The following TRHDE variants were observed in gnomAD, a reference collection of about 807,000 sequenced individuals.
TRHDE encodes the protein thyrotropin-releasing hormone-degrading ectoenzyme.
A neutral mutation model predicts 125.7 loss-of-function variants in TRHDE; 72 were observed. The ratio of observed to expected loss-of-function variants is 0.57; its 90% confidence interval spans 0.47 to 0.70. TRHDE has a LOEUF of 0.70. Among genes scored for constraint, TRHDE ranks in the 30% least tolerant of loss-of-function variants. The pLI, the probability that TRHDE is intolerant of heterozygous loss-of-function variation, is 0.00. For missense variants in TRHDE, 1,110 were observed against 1,327.1 expected (o/e 0.84, Z 2.54); for synonymous variants, 509 against 509.1 (o/e 1.00, Z 0.00).
intron 15 of TRHDE, among the ~76,000 whole-genome samples, chr12:72,650,935 C>T (rs1473139140): frequency 6.6e-6 from 1 of 152,098 alleles, no homozygotes; most frequent in African/African-American, 2.4e-5. Flanking sequence ...TGGTCATAAA[C>T]ACAGCAGAGA....
At chr12:72,353,350 A>G (rs1454681612) in intron 2 of TRHDE, among the ~76,000 whole-genome samples, 1 of 151,772 alleles carries the variant, frequency 6.6e-6, no homozygotes, top group East Asian at 1.9e-4. Context: ...GAAACCAGAA[A>G]GGAATATACA....
chr12:72,566,635 G>A (rs1288248566), intron 9 of TRHDE, among the ~76,000 whole-genome samples: 1 of 145,944 alleles, frequency 6.9e-6, no homozygotes, highest in Non-Finnish European at 1.5e-5. Flanking sequence ...TATATTAGGG[G>A]CAATGATTCA....
intron 3 of TRHDE, among the ~76,000 whole-genome samples, chr12:72,411,655 A>G (rs1592425692): frequency 6.6e-6 from 1 of 152,124 alleles, no homozygotes. Flanking sequence ...CAAAAGGTAT[A>G]TGGGAACTTC....
intron 3 of TRHDE, among the ~76,000 whole-genome samples, chr12:72,427,727 G>T (rs1874251388): frequency 6.6e-6 from 1 of 152,152 alleles, no homozygotes. Context: ...ATAGAGCTCT[G>T]TGATGATAGA....
At chr12:72,126,586 A>G (rs564661281) in intron 2 of TRHDE, among the ~76,000 whole-genome samples, 1 of 152,320 alleles carries the variant, frequency 6.6e-6, no homozygotes, top group Non-Finnish European at 1.5e-5. Flanking sequence ...CAAAGTCTAC[A>G]AAAATAAGTA....
chr12:72,418,128 T>C (rs1387716974), intron 3 of TRHDE, among the ~76,000 whole-genome samples: 1 of 152,072 alleles, frequency 6.6e-6, no homozygotes, highest in Admixed American at 6.6e-5. Flanking sequence ...TCAATTTCTT[T>C]GAGGCATAAA....
chr12:72,568,534 T>C (rs1409338010), intron 9 of TRHDE, 34 bp from the exon 10 acceptor site: 1 of 1,519,984 alleles, frequency 6.6e-7, no homozygotes, highest in African/African-American at 1.4e-5. Flanking sequence ...GATATAGTTA[T>C]TTTTATTCTT....
At chr12:72,512,420 AAT>A (rs1275934242) in intron 6 of TRHDE, among the ~76,000 whole-genome samples, 86 of 113,690 alleles carry the variant, frequency 7.6e-4, no homozygotes, top group African/African-American at 3.8e-3. Flanking sequence ...ATAACTATAT[AAT>A]ATATATTATA....
chr12:72,376,702 A>G (rs1400827592), intron 2 of TRHDE, among the ~76,000 whole-genome samples: 1 of 152,128 alleles, frequency 6.6e-6, no homozygotes, highest in African/African-American at 2.4e-5. Context: ...CTCTCTCTTT[A>G]GGCAGAGATA....
intron 12 of TRHDE, among the ~76,000 whole-genome samples, chr12:72,591,426 A>G (rs1451211443): frequency 2.0e-5 from 3 of 152,174 alleles, no homozygotes; most frequent in African/African-American, 7.2e-5. Flanking sequence ...ACATAAGTCC[A>G]TATGCTATTT....
At chr12:72,650,413 G>A (rs1169207296) in intron 15 of TRHDE, among the ~76,000 whole-genome samples, 1 of 152,108 alleles carries the variant, frequency 6.6e-6, no homozygotes, top group Non-Finnish European at 1.5e-5. Flanking sequence ...AGTATAGTAT[G>A]TGGCACTCAA....
At chr12:72,163,719 G>T (rs1445812949) in intron 2 of TRHDE, among the ~76,000 whole-genome samples, 1 of 152,124 alleles carries the variant, frequency 6.6e-6, no homozygotes, top group Non-Finnish European at 1.5e-5. Context: ...AAATTGAGAT[G>T]CCGTACATTT....
At chr12:72,465,477 A>G (rs1395008504) in intron 3 of TRHDE, among the ~76,000 whole-genome samples, 1 of 152,188 alleles carries the variant, frequency 6.6e-6, no homozygotes, top group East Asian at 1.9e-4. Flanking sequence ...TAGAGTAGAT[A>G]TAGCTTTCTT....
chr12:72,556,754 A>T (rs1008122411), intron 7 of TRHDE, among the ~76,000 whole-genome samples: 3 of 152,172 alleles, frequency 2.0e-5, no homozygotes, highest in Non-Finnish European at 4.4e-5. Context: ...CACACTACAA[A>T]TTTTTTTGAG....
At chr12:72,438,106 CT>C (rs1874826032) in intron 3 of TRHDE, among the ~76,000 whole-genome samples, 1 of 151,644 alleles carries the variant, frequency 6.6e-6, no homozygotes, top group African/African-American at 2.4e-5. Flanking sequence ...AAATGACAGG[CT>C]TTTCTTCTTT....
chr12:72,202,142 C>T (rs1387971607), intron 2 of TRHDE, among the ~76,000 whole-genome samples: 1 of 152,156 alleles, frequency 6.6e-6, no homozygotes, highest in Non-Finnish European at 1.5e-5. Context: ...TTTTAATTTG[C>T]ATCCAACTCC....
chr12:72,231,515 C>T (rs1232254871), intron 2 of TRHDE, among the ~76,000 whole-genome samples: 1 of 152,178 alleles, frequency 6.6e-6, no homozygotes, highest in Non-Finnish European at 1.5e-5. Flanking sequence ...AGGCCATTAC[C>T]GCCTTAGCTG....
chr12:72,289,841 C>T (rs1880021829), intron 2 of TRHDE, among the ~76,000 whole-genome samples: 2 of 152,116 alleles, frequency 1.3e-5, no homozygotes, highest in South Asian at 4.1e-4. Context: ...GACTCACTTA[C>T]ATGAGGCATT....
chr12:72,616,283 A>T (rs1455989474), intron 12 of TRHDE, among the ~76,000 whole-genome samples: 1 of 152,150 alleles, frequency 6.6e-6, no homozygotes, highest in Non-Finnish European at 1.5e-5. Context: ...TAAGCGACTA[A>T]AGAATGGAGA....
Sources: gnomAD v4.1 joint callset for allele counts (sites outside exome capture counted in the v4.1 genomes callset) on GRCh38, gnomAD v4.1.1 for gene constraint, MANE v1.5 for transcripts, NCBI Gene and HGNC (gene_info 2026-07-23, HGNC 2026-07-21) for gene names.